TRAK1: variants seen among roughly 807,000 people sequenced by gnomAD.
The protein encoded by TRAK1 is trafficking kinesin-binding protein 1.
TRAK1 carries 33 observed loss-of-function variants against 92.1 expected under a neutral mutation model. That is an observed-to-expected ratio of 0.36 (90% CI 0.27 to 0.48). The LOEUF (loss-of-function observed/expected upper bound fraction) is 0.48, where lower values mean the gene tolerates loss of function less well. Among genes scored for constraint, TRAK1 ranks in the 20% least tolerant of loss-of-function variants. The probability of loss-of-function intolerance (pLI) is 0.99; values close to 1 mark genes in which losing one functional copy is unlikely to be tolerated. For missense variants in TRAK1, 1,123 were observed against 1,257.9 expected (o/e 0.89, Z 1.62); for synonymous variants, 521 against 517.3 (o/e 1.01, Z -0.10).
intron 2 of TRAK1, among the ~76,000 whole-genome samples, chr3:42,132,116 A>G (rs1017315467): frequency 6.6e-6 from 1 of 152,174 alleles, no homozygotes; most frequent in East Asian, 1.9e-4. Context: ...TCCCCTGCAG[A>G]TACCAAAATC....
At position 42,037,559 on chromosome 3, in the gene TRAK1, A is replaced by T. The variant is rs187807865; in HGVS notation, c.-519+23442A>T. 3.0e-4 allele frequency among the ~76,000 whole-genome samples: 45 copies of T among 152,358 alleles called. No homozygotes were observed. In the East Asian group the frequency reaches 5.4e-3, roughly 18 times the overall value. On this transcript the variant is annotated intron_variant, in intron 1 of 16. Coordinates refer to the TRAK1 transcript ENST00000487159. ...TATAGACAGACATTAATGCAATTTC[A>T]CAAACAAATGTCAAATTGTAACTCT...
chr3:42,082,102 G>C (rs1023087499), intron 1 of TRAK1, among the ~76,000 whole-genome samples: 1 of 152,114 alleles, frequency 6.6e-6, no homozygotes, highest in Admixed American at 6.5e-5. Context: ...TTTTCAGGAA[G>C]TGCTTATACT....
chr3:42,074,018 AAGAG>A (rs1704045266), intron 1 of TRAK1, among the ~76,000 whole-genome samples: 2 of 152,106 alleles, frequency 1.3e-5, no homozygotes, highest in South Asian at 4.1e-4. Context: ...GGGTTGTTTT[AAGAG>A]AGAGTGGACA....
chr3:42,144,267 T>TA (rs34065536), intron 2 of TRAK1, among the ~76,000 whole-genome samples: 130 of 148,984 alleles, frequency 8.7e-4, no homozygotes, highest in African/African-American at 2.1e-3. Flanking sequence ...TTATTTCCCT[T>TA]AAAAAAAAAA....
In TRAK1 at chr3:42,125,612, TC is replaced by T; in HGVS notation, c.286del (p.Leu96PhefsTer10). On this transcript the variant is annotated frameshift_variant and splice_region_variant, in exon 2 of 16. Coordinates refer to ENST00000327628, the MANE Select transcript of TRAK1 (RefSeq NM_001042646.3). LOFTEE classifies it high-confidence loss of function. ...CAAATTGAAGAGACGTTAAAATACT[TC>T]CGTAAGTAGTTGTCCATGTGTGTTG... ...TEQIEETLKY[F>X]LLCAERVGQM... 6.2e-7 allele frequency: 1 copy of T among 1,614,072 alleles called. No homozygotes were observed. Among genetic ancestry groups the T allele is most frequent in the Non-Finnish European group, 8.5e-7 (1 of 1,179,958 alleles).
At chr3:42,144,909 A>G (rs1699143690) in intron 2 of TRAK1, among the ~76,000 whole-genome samples, 1 of 152,184 alleles carries the variant, frequency 6.6e-6, no homozygotes, top group Non-Finnish European at 1.5e-5. Flanking sequence ...AACCCTGCTG[A>G]AGTATTACAT....
intron 2 of TRAK1, among the ~76,000 whole-genome samples, chr3:42,160,743 T>G (rs185861004): frequency 1.1e-3 from 160 of 152,282 alleles, no homozygotes; most frequent in Middle Eastern, 6.8e-3. Flanking sequence ...ATGACTTCTG[T>G]CACCTTAGAT....
rs78090009 is a variant in TRAK1, at chr3:42,184,199, G to A, written c.364-486G>A. 3.6e-3 allele frequency among the ~76,000 whole-genome samples: 553 copies of A among 152,296 alleles called. 5 individuals are homozygous for A. Among genetic ancestry groups the A allele is most frequent in the African/African-American group, 0.013 (525 of 41,556 alleles). On this transcript the variant is annotated intron_variant, in intron 3 of 15. Coordinates refer to ENST00000327628, the MANE Select transcript of TRAK1 (RefSeq NM_001042646.3). ...AATTCAATGCATTCCAGCCTAATGT[G>A]TGCTAAAGAGGCTGCCTCCCTGTGT...
At chr3:42,024,321 T>C (rs1701839541) in intron 1 of TRAK1, among the ~76,000 whole-genome samples, 1 of 152,182 alleles carries the variant, frequency 6.6e-6, no homozygotes, top group Non-Finnish European at 1.5e-5. Context: ...TAAAATATCT[T>C]TTGGGTTTGT....
At chr3:42,027,852 C>T (rs566017168) in intron 1 of TRAK1, among the ~76,000 whole-genome samples, 1 of 152,124 alleles carries the variant, frequency 6.6e-6, no homozygotes, top group African/African-American at 2.4e-5. Flanking sequence ...ATGGCAGACT[C>T]TGTTATTTTT....
At chr3:42,085,291 C>G (rs1010593305), upstream of TRAK1, among the ~76,000 whole-genome samples, 1 of 152,188 alleles carries the variant, frequency 6.6e-6, no homozygotes, top group Admixed American at 6.5e-5. Flanking sequence ...CCTCAGCCTC[C>G]TGAGTGGCTG....
intron 2 of TRAK1, among the ~76,000 whole-genome samples, chr3:42,166,139 C>T (rs1701837533): frequency 1.3e-5 from 2 of 152,056 alleles, no homozygotes; most frequent in Admixed American, 6.6e-5. Flanking sequence ...CTCGAGGGTA[C>T]GATTCATTTA....
At chr3:42,092,435 A>T (rs771834518) in intron 1 of TRAK1, among the ~76,000 whole-genome samples, 1 of 152,160 alleles carries the variant, frequency 6.6e-6, no homozygotes, top group Non-Finnish European at 1.5e-5. Context: ...TACTGAGGCA[A>T]TCGTACTTAT....
At chr3:42,209,698 T>G (rs1268783358) in intron 13 of TRAK1, 69 bp from the exon 14 acceptor site, 1 of 1,483,224 alleles carries the variant, frequency 6.7e-7, no homozygotes, top group Non-Finnish European at 9.2e-7. Flanking sequence ...AAACAGCCAT[T>G]GTCTTGGACT....
At position 42,125,509 on chromosome 3, in the gene TRAK1, A is replaced by G. The variant is rs1256097255; in HGVS notation, c.181A>G (p.Ile61Val). ...LPHYKLRADT[I>V]YGYDHDDWLH... Reference sequence around the variant, plus strand: ...CCATTATAAGTTAAGAGCCGACACCATCTACGGTTATGACCACGACGACTG... The same window carrying G: ...CCATTATAAGTTAAGAGCCGACACCGTCTACGGTTATGACCACGACGACTG... The change falls in exon 2 of 16, where the codon ATC becomes GTC. Residue 61 changes from isoleucine (I) to valine (V), a missense_variant. By Grantham distance (29) the Ile-to-Val change is conservative. Around this residue, in one of 3 missense-constraint regions of TRAK1, gnomAD observed 686 missense variants for 747.6 expected, o/e 0.92. Transcript: ENST00000327628. The G allele has an allele frequency of 1.2e-6, 2 of 1,614,230 alleles. No individual in the cohort carries two copies. Among genetic ancestry groups the G allele is most frequent in the Non-Finnish European group, 1.7e-6 (2 of 1,180,040 alleles).
intron 1 of TRAK1, among the ~76,000 whole-genome samples, chr3:42,098,168 C>T (rs534139236): frequency 6.6e-6 from 1 of 152,170 alleles, no homozygotes; most frequent in Non-Finnish European, 1.5e-5. Flanking sequence ...CACTCCCCTC[C>T]TTTCTCTGCT....
At chr3:42,120,016 C>G (rs1045573399) in intron 1 of TRAK1, among the ~76,000 whole-genome samples, 3 of 152,012 alleles carry the variant, frequency 2.0e-5, no homozygotes, top group African/African-American at 7.3e-5. Flanking sequence ...GCCTGGTCAC[C>G]ACAGTGAGAT....
At chr3:42,117,611 T>C (rs1447552758) in intron 1 of TRAK1, among the ~76,000 whole-genome samples, 1 of 152,132 alleles carries the variant, frequency 6.6e-6, no homozygotes, top group African/African-American at 2.4e-5. Context: ...TCTGCTCACC[T>C]TGCAGCTACT....
intron 14 of TRAK1, chr3:42,210,396 A>AGG: frequency 8.0e-7 from 1 of 1,257,842 alleles, no homozygotes; most frequent in Non-Finnish European, 9.9e-7. Flanking sequence ...GGAGCAGGAA[A>AGG]GGCTGCTAAA....
Sources: gnomAD v4.1 joint callset for allele counts (sites outside exome capture counted in the v4.1 genomes callset) on GRCh38, gnomAD v4.1.1 for gene constraint, gnomAD v4.1.1 regional missense constraint, MANE v1.5 for transcripts, NCBI Gene and HGNC (gene_info 2026-07-23, HGNC 2026-07-21) for gene names.